Variants in SPAG17 observed in about 807,000 individuals in gnomAD.
SPAG17 encodes sperm associated antigen 17.
In SPAG17, 169 loss-of-function variants were observed where a neutral mutation model predicts 273.6. That is an observed-to-expected ratio of 0.62 (90% CI 0.55 to 0.70). SPAG17 has a LOEUF of 0.70. Among genes scored for constraint, SPAG17 ranks in the 30% least tolerant of loss-of-function variants. The pLI, the probability that SPAG17 is intolerant of heterozygous loss-of-function variation, is 0.00. For synonymous variants in SPAG17, 825 were observed against 873.2 expected (o/e 0.94, Z 0.97); for missense variants, 2,557 against 2,627.8 (o/e 0.97, Z 0.59).
chr1:118,097,936 T>G, intron 6 of SPAG17, 85 bp from the exon 7 acceptor site: 2 of 878,894 alleles, frequency 2.3e-6, no homozygotes, highest in South Asian at 2.0e-5. Flanking sequence ...TCATATGCAT[T>G]GCAAGATATC....
At chr1:118,184,306 G>A (rs1231492480) in intron 1 of SPAG17, among the ~76,000 whole-genome samples, 1 of 152,104 alleles carries the variant, frequency 6.6e-6, no homozygotes, top group African/African-American at 2.4e-5. Context: ...TAACTTGTAC[G>A]TAGAAACAGC....
At chr1:117,972,202 G>T (rs184815665) in intron 44 of SPAG17, among the ~76,000 whole-genome samples, 155 bp from the exon 45 acceptor site, 1 of 152,356 alleles carries the variant, frequency 6.6e-6, no homozygotes. Context: ...GTCCTGTGAG[G>T]ACGTATTTTA....
intron 32 of SPAG17, among the ~76,000 whole-genome samples, chr1:118,003,925 C>G (rs1432168525): frequency 6.6e-6 from 1 of 152,184 alleles, no homozygotes; most frequent in Non-Finnish European, 1.5e-5. Context: ...CTTTTCTGCT[C>G]TGGTTTCTCC....
chr1:117,970,088 T>C lies in SPAG17; in HGVS notation c.6355A>G (p.Thr2119Ala), dbSNP rs1228770780. 1 of 1,613,454 alleles carries C rather than the reference T, an allele frequency of 6.2e-7. No individual in the cohort carries two copies. The highest frequency in any genetic ancestry group is 8.5e-7 in the Non-Finnish European group (1 of 1,179,726). ...GGTTTGTAAGTCACTTTCAGTCCTGTGCTGGGTGGGGGCTGCTTTACTTTA... is the reference window on the plus strand; with the variant it reads ...GGTTTGTAAGTCACTTTCAGTCCTGCGCTGGGTGGGGGCTGCTTTACTTTA... ...RFKVKQPPPS[T>A]GLKVTYKPGP... Residue 2119 changes from threonine to alanine, a missense_variant, in exon 46 of 49, where the codon ACA (threonine) becomes GCA (alanine). Physicochemically the swap from Thr to Ala is moderately conservative, Grantham distance 58. Transcript: ENST00000336338.
chr1:118,162,755 ATTTG>A (rs1659991509), intron 1 of SPAG17, among the ~76,000 whole-genome samples: 1 of 152,114 alleles, frequency 6.6e-6, no homozygotes, highest in Non-Finnish European at 1.5e-5. Context: ...TAATTCTGCA[ATTTG>A]TTTTTTTTCC....
intron 30 of SPAG17, among the ~76,000 whole-genome samples, chr1:118,009,091 G>A (rs1659198488): frequency 6.6e-6 from 1 of 152,044 alleles, no homozygotes; most frequent in South Asian, 2.1e-4. Flanking sequence ...TTTTGTGGGT[G>A]GGGTGGGGAG....
chr1:118,041,342 T>C (rs956817092), intron 21 of SPAG17, among the ~76,000 whole-genome samples: 1 of 152,024 alleles, frequency 6.6e-6, no homozygotes, highest in Admixed American at 6.6e-5. Context: ...TTTCCATTTT[T>C]TTTTCCCATC....
At chr1:117,994,561 T>C (rs1365009037) in intron 34 of SPAG17, 31 bp from the exon 35 acceptor site, 5 of 1,588,424 alleles carry the variant, frequency 3.1e-6, no homozygotes. Context: ...AGAAGACCAT[T>C]ACCCATTGAA....
rs1659117601 is a variant in SPAG17 at position 118,008,279 on chromosome 1, G to GT, written c.4433-82dup. 76 of 1,500,934 alleles carry GT rather than the reference G, an allele frequency of 5.1e-5. No individual in the cohort carries two copies. The South Asian group carries it at 8.7e-4, about 17-fold the overall frequency. The allele number at this position is 1,500,934 out of a possible 1,614,324, so 93.0% of individuals were successfully genotyped here. On this transcript the variant is annotated intron_variant, in intron 30 of 48. Coordinates refer to ENST00000336338, the MANE Select transcript of SPAG17 (RefSeq NM_206996.4). Reference sequence around the variant, plus strand: ...ACCTCAGCCTATTGATTTTGCTGCTGTTTCCTGGCTGTCTGGATTCCCCAT... The same window carrying GT: ...ACCTCAGCCTATTGATTTTGCTGCTGTTTTCCTGGCTGTCTGGATTCCCCAT...
At chr1:118,066,296 C>A (rs534035051) in intron 18 of SPAG17, among the ~76,000 whole-genome samples, 3 of 151,854 alleles carry the variant, frequency 2.0e-5, no homozygotes, top group Non-Finnish European at 4.4e-5. Flanking sequence ...AATCACTAAC[C>A]CCTAGGCTCT....
chr1:118,073,092 A>C (rs1653765613), intron 17 of SPAG17, among the ~76,000 whole-genome samples: 1 of 152,158 alleles, frequency 6.6e-6, no homozygotes, highest in African/African-American at 2.4e-5. Context: ...ACGTTGTAAA[A>C]CTTTGATAAA....
chr1:118,062,366 CA>C lies in SPAG17; in HGVS notation c.2540+4378del, dbSNP rs56029752. The stretch of plus-strand genomic sequence containing the variant: ...TGGGCGACAGAGCGAGACTCCATCT[CA>C]AAAAAAAAAAAAAAAAAAAATTAAA... On this transcript the variant is annotated intron_variant, in intron 18 of 48. Coordinates refer to ENST00000336338, the MANE Select transcript of SPAG17 (RefSeq NM_206996.4). Among the ~76,000 whole-genome samples, 105 of 46,408 alleles carry C rather than the reference CA, an allele frequency of 2.3e-3. 3 individuals carry two copies. The highest frequency in any genetic ancestry group is 6.6e-3 in the South Asian group (7 of 1,062). 30.4% of individuals were successfully genotyped at this position (46,408 alleles called of 152,430 possible). A position where few individuals can be genotyped will look rare whatever the true frequency, so the allele number is the denominator to read the frequency against.
chr1:117,971,876 C>T lies in SPAG17; in HGVS notation c.6313G>A (p.Val2105Met), dbSNP rs1654602345. 1 of 1,613,394 alleles carries T rather than the reference C, an allele frequency of 6.2e-7. No homozygotes were observed. Among genetic ancestry groups the T allele is most frequent in the Non-Finnish European group, 8.5e-7 (1 of 1,179,658 alleles). Residue 2105 changes from valine (V) to methionine (M), a missense_variant, in exon 45 of 49, where the codon GTG becomes ATG. Physicochemically the swap from Val to Met is conservative, Grantham distance 21. Transcript: ENST00000336338. ...ATVVKLKNVG[V>M]DFCRFKVKQP... ...CCTTGGCCTCACCTGCAGAAGTCCA[C>T]TCCAACATTCTTGAGCTTTACAACT...
chr1:118,063,661 G>A (rs1652606380), intron 18 of SPAG17, among the ~76,000 whole-genome samples: 1 of 152,144 alleles, frequency 6.6e-6, no homozygotes, highest in Admixed American at 6.5e-5. Context: ...ATACCATTCA[G>A]GACATAGGCA....
intron 3 of SPAG17, among the ~76,000 whole-genome samples, chr1:118,145,332 G>A (rs1009238838): frequency 6.6e-6 from 1 of 152,274 alleles, no homozygotes; most frequent in African/African-American, 2.4e-5. Flanking sequence ...TGGCAAAATA[G>A]ATTATAATTA....
intron 42 of SPAG17, among the ~76,000 whole-genome samples, chr1:117,981,988 C>T (rs1655870254): frequency 6.6e-6 from 1 of 152,158 alleles, no homozygotes; most frequent in Admixed American, 6.5e-5. Flanking sequence ...CAGTCTCACT[C>T]CATTTCAAGA....
intron 19 of SPAG17, among the ~76,000 whole-genome samples, chr1:118,055,448 T>C (rs191072689): frequency 1.3e-5 from 2 of 152,286 alleles, no homozygotes; most frequent in Non-Finnish European, 2.9e-5. Context: ...AATAAAGGCA[T>C]TTGGCATTTC....
chr1:118,135,371 ATGTGTG>A (rs57793942), intron 3 of SPAG17, among the ~76,000 whole-genome samples: 3,529 of 139,828 alleles, frequency 0.025, 56 homozygotes, highest in East Asian at 0.038. Context: ...AGCTCAAGCA[ATGTGTG>A]TGTGTGTGTG....
Position 118,066,848 on chromosome 1 carries a change from T to A in SPAG17, c.2437A>T (p.Thr813Ser). 1 of 1,613,944 alleles carries A rather than the reference T, an allele frequency of 6.2e-7. No homozygotes were observed. The highest frequency in any genetic ancestry group is 8.5e-7 in the Non-Finnish European group (1 of 1,179,896). ...ACTAAAAGTAAAGAGTTGTCTTGGG[T>A]GTGGTAGTAAGAATCAACACACCTA... is the stretch of plus-strand genomic sequence containing the variant. Reference protein sequence around the residue: ...QYRCVDSYYHTQDNSLLLVFH... With the variant: ...QYRCVDSYYHSQDNSLLLVFH... The change falls in exon 18 of 49, where the codon ACC (threonine) becomes TCC (serine). Residue 813 changes from threonine (T) to serine (S), a missense_variant. By Grantham distance (58) the Thr-to-Ser change is moderately conservative. Transcript: ENST00000336338.
Sources: allele counts gnomAD v4.1 joint callset (sites outside exome capture counted in the v4.1 genomes callset), GRCh38; gene constraint gnomAD v4.1.1; transcripts MANE v1.5; gene names NCBI Gene and HGNC (gene_info 2026-07-23, HGNC 2026-07-21).